Variants in ARHGAP24 observed in about 807,000 individuals in gnomAD.
ARHGAP24 encodes rho GTPase-activating protein 24.
ARHGAP24 carries 50 observed loss-of-function variants against 76.4 expected under a neutral mutation model. That is an observed-to-expected ratio of 0.65 (90% CI 0.52 to 0.83). The LOEUF (loss-of-function observed/expected upper bound fraction) is 0.83, where lower values mean the gene tolerates loss of function less well. Among genes scored for constraint, ARHGAP24 ranks in the 40% least tolerant of loss-of-function variants. ARHGAP24 has a pLI of 0.00. For missense variants in ARHGAP24, 930 were observed against 914.2 expected (o/e 1.02, Z -0.22); for synonymous variants, 345 against 323.3 (o/e 1.07, Z -0.72).
chr4:85,664,524 C>G, intron 2 of ARHGAP24, among the ~76,000 whole-genome samples: 1 of 150,116 alleles, frequency 6.7e-6, no homozygotes, highest in African/African-American at 2.5e-5. Flanking sequence ...CAGTTCTGCT[C>G]TGATTTTAGT....
intron 1 of ARHGAP24, among the ~76,000 whole-genome samples, chr4:85,553,708 T>C (rs531230748): frequency 4.6e-5 from 7 of 152,224 alleles, no homozygotes; most frequent in South Asian, 2.1e-4. Flanking sequence ...CACCTCTCAA[T>C]TGCATGTGAG....
At chr4:85,814,248 A>G (rs113288064) in intron 3 of ARHGAP24, among the ~76,000 whole-genome samples, 7,573 of 152,224 alleles carry the variant, frequency 0.05, 226 homozygotes, top group Middle Eastern at 0.085. Flanking sequence ...CCCAAATCTC[A>G]TGTCCTCATA....
chr4:85,510,032 A>T (rs532060038), intron 1 of ARHGAP24, among the ~76,000 whole-genome samples: 2 of 152,212 alleles, frequency 1.3e-5, no homozygotes, highest in South Asian at 4.1e-4. Context: ...GATCAAGCCA[A>T]AGCACACTTG....
chr4:85,904,865 A>G (rs572155607), intron 3 of ARHGAP24, among the ~76,000 whole-genome samples: 9 of 152,374 alleles, frequency 5.9e-5, no homozygotes, highest in African/African-American at 1.7e-4. Flanking sequence ...TATCTGCTGA[A>G]TTAAAATTTG....
At chr4:85,676,566 C>T (rs1181404248) in intron 2 of ARHGAP24, among the ~76,000 whole-genome samples, 2 of 152,114 alleles carry the variant, frequency 1.3e-5, no homozygotes, top group Non-Finnish European at 2.9e-5. Context: ...GAACACTGAA[C>T]AAGGAGTTAG....
rs1038144619 is a variant in ARHGAP24 at position 85,974,901 on chromosome 4, T to C, written c.746T>C (p.Leu249Ser). 2 of 1,613,716 alleles carry C rather than the reference T, an allele frequency of 1.2e-6. No homozygotes were observed. Among genetic ancestry groups the C allele is most frequent in the African/African-American group, 2.7e-5 (2 of 74,934 alleles). Residue 249 changes from leucine (L) to serine (S), a missense_variant, in exon 7 of 10, where the codon TTA becomes TCA. Leu to Ser is a moderately radical substitution (Grantham distance 145). Coordinates refer to ENST00000395184, the MANE Select transcript of ARHGAP24 (RefSeq NM_001025616.3). ...CTTTGTACTCAGGGTGTTAAGGAAT[T>C]AGCAAAGCAGGTGAAGAGTTTGCCA... ...SKEEEAGVKE[L>S]AKQVKSLPVV...
chr4:85,532,443 T>C (rs1260363390), intron 1 of ARHGAP24, among the ~76,000 whole-genome samples: 1 of 152,148 alleles, frequency 6.6e-6, no homozygotes, highest in Non-Finnish European at 1.5e-5. Flanking sequence ...ATTTTTAATC[T>C]CTACAATTAT....
chr4:85,805,867 T>A (rs1728768582), intron 3 of ARHGAP24, among the ~76,000 whole-genome samples: 1 of 152,178 alleles, frequency 6.6e-6, no homozygotes, highest in Non-Finnish European at 1.5e-5. Flanking sequence ...TATTTGGAAA[T>A]TTAATGTAAA....
intron 3 of ARHGAP24, among the ~76,000 whole-genome samples, chr4:85,787,748 GGGGTGGCA>G (rs1320920968): frequency 6.6e-6 from 1 of 152,166 alleles, no homozygotes; most frequent in African/African-American, 2.4e-5. Flanking sequence ...AGGTTCTTGA[GGGGTGGCA>G]GGATCCTAAG....
At chr4:85,748,096 GC>G (rs1726121155) in intron 3 of ARHGAP24, among the ~76,000 whole-genome samples, 1 of 152,208 alleles carries the variant, frequency 6.6e-6, no homozygotes, top group Non-Finnish European at 1.5e-5. Context: ...TGTAAGGCAG[GC>G]ACTTGTCTTG....
intron 3 of ARHGAP24, among the ~76,000 whole-genome samples, chr4:85,905,534 G>A (rs1734728116): frequency 6.6e-6 from 1 of 151,934 alleles, no homozygotes; most frequent in African/African-American, 2.4e-5. Context: ...AAATAGCCCT[G>A]TGCAATTCAC....
At chr4:85,805,440 G>T (rs545222411) in intron 3 of ARHGAP24, among the ~76,000 whole-genome samples, 1 of 152,056 alleles carries the variant, frequency 6.6e-6, no homozygotes, top group African/African-American at 2.4e-5. Context: ...GCACAAATCT[G>T]CCATTAACAA....
At chr4:85,670,014 G>A (rs59598716) in intron 2 of ARHGAP24, among the ~76,000 whole-genome samples, 1 of 151,916 alleles carries the variant, frequency 6.6e-6, no homozygotes, top group Non-Finnish European at 1.5e-5. Context: ...GGAGAGAGGG[G>A]TGTGAGCTGT....
At chr4:85,801,669 C>G (rs1728583005) in intron 3 of ARHGAP24, among the ~76,000 whole-genome samples, 1 of 152,244 alleles carries the variant, frequency 6.6e-6, no homozygotes, top group African/African-American at 2.4e-5. Flanking sequence ...TAACTGTTCC[C>G]TGTAGATCAA....
At chr4:85,911,113 T>C (rs1418723905) in intron 3 of ARHGAP24, among the ~76,000 whole-genome samples, 2 of 152,172 alleles carry the variant, frequency 1.3e-5, no homozygotes. Flanking sequence ...GCAGTTTGGA[T>C]GGCTGCAGCT....
intron 4 of ARHGAP24, chr4:85,931,038 G>T (rs761408648): frequency 6.2e-7 from 1 of 1,609,750 alleles, no homozygotes; most frequent in South Asian, 1.1e-5. Flanking sequence ...TTAGTTTTCG[G>T]AAAGGTAGGT....
At chr4:85,644,438 T>G (rs1272840469) in intron 2 of ARHGAP24, among the ~76,000 whole-genome samples, 1 of 152,190 alleles carries the variant, frequency 6.6e-6, no homozygotes, top group Non-Finnish European at 1.5e-5. Context: ...AATACCATAT[T>G]ACATCTAAGA....
chr4:85,612,311 G>A (rs1423723462), intron 2 of ARHGAP24, among the ~76,000 whole-genome samples: 1 of 145,480 alleles, frequency 6.9e-6, no homozygotes, highest in African/African-American at 2.4e-5. Flanking sequence ...CAGCTACTCG[G>A]GAGGCTGAGG....
intron 3 of ARHGAP24, among the ~76,000 whole-genome samples, chr4:85,790,025 AG>A (rs1230552563): frequency 6.6e-6 from 1 of 152,110 alleles, no homozygotes; most frequent in East Asian, 1.9e-4. Flanking sequence ...TTTTTTTATT[AG>A]GTGCAGAAAT....
Sources: allele counts gnomAD v4.1 joint callset (sites outside exome capture counted in the v4.1 genomes callset), GRCh38; gene constraint gnomAD v4.1.1; transcripts MANE v1.5; gene names NCBI Gene and HGNC (gene_info 2026-07-23, HGNC 2026-07-21).